Variants in NR3C2 observed in about 807,000 individuals in gnomAD.
NR3C2 encodes mineralocorticoid receptor.
Under a neutral mutation model 86.4 loss-of-function variants are expected in NR3C2, and 15 were observed. The ratio of observed to expected loss-of-function variants is 0.17; its 90% CI spans 0.12 to 0.27. The LOEUF (loss-of-function observed/expected upper bound fraction) is 0.27, where lower values mean the gene tolerates loss of function less well. NR3C2 is among the 10% of genes least tolerant of loss of function. NR3C2 has a pLI of 1.00. For synonymous variants in NR3C2, 458 were observed against 450.5 expected (o/e 1.02, Z -0.21); for missense variants, 960 against 1,195.6 (o/e 0.80, Z 2.91).
intron 4 of NR3C2, among the ~76,000 whole-genome samples, chr4:148,188,732 C>G (rs991275197): frequency 6.6e-6 from 1 of 152,008 alleles, no homozygotes; most frequent in Non-Finnish European, 1.5e-5. Flanking sequence ...ATTTCTTTCT[C>G]TTGTCTGATC....
intron 3 of NR3C2, among the ~76,000 whole-genome samples, chr4:148,204,253 T>TAACAAGG (rs959566635): frequency 1.3e-5 from 2 of 152,202 alleles, no homozygotes; most frequent in African/African-American, 2.4e-5. Flanking sequence ...AGTAAGTTAC[T>TAACAAGG]AACAAGGAAC....
At chr4:148,225,487 A>AT (rs1738101258) in intron 3 of NR3C2, among the ~76,000 whole-genome samples, 3 of 152,192 alleles carry the variant, frequency 2.0e-5, no homozygotes, top group Admixed American at 2.0e-4. Context: ...AAGTTTATAC[A>AT]TAACAATGTT....
intron 8 of NR3C2, among the ~76,000 whole-genome samples, chr4:148,086,622 A>G (rs1256825425): frequency 6.6e-6 from 1 of 152,170 alleles, no homozygotes; most frequent in Non-Finnish European, 1.5e-5. Flanking sequence ...TACACCTGCA[A>G]TCCCAGCTAC....
intron 2 of NR3C2, among the ~76,000 whole-genome samples, chr4:148,299,443 G>T (rs1387941372): frequency 6.6e-6 from 1 of 152,044 alleles, no homozygotes; most frequent in Non-Finnish European, 1.5e-5. Flanking sequence ...TCTCTTTTCG[G>T]GACTGTAATG....
intron 2 of NR3C2, among the ~76,000 whole-genome samples, chr4:148,418,458 T>C (rs1314401265): frequency 6.6e-6 from 1 of 152,204 alleles, no homozygotes; most frequent in Admixed American, 6.5e-5. Context: ...ATCTCTATTT[T>C]TGAAGTTCAG....
At chr4:148,273,008 T>C (rs1740767879) in intron 2 of NR3C2, among the ~76,000 whole-genome samples, 1 of 152,220 alleles carries the variant, frequency 6.6e-6, no homozygotes, top group Admixed American at 6.5e-5. Context: ...TTGCTTCAAA[T>C]GTCTTCGTGC....
At chr4:148,182,367 A>T (rs1002589415) in intron 4 of NR3C2, among the ~76,000 whole-genome samples, 2 of 152,236 alleles carry the variant, frequency 1.3e-5, no homozygotes, top group African/African-American at 4.8e-5. Flanking sequence ...ATTACAATGT[A>T]CACAACTGGA....
At chr4:148,133,461 G>C (rs1733128421) in intron 6 of NR3C2, among the ~76,000 whole-genome samples, 1 of 152,136 alleles carries the variant, frequency 6.6e-6, no homozygotes, top group Admixed American at 6.5e-5. Context: ...CTGCAAAAAG[G>C]TAGGATTCCT....
chr4:148,297,531 A>C (rs1742111279), intron 2 of NR3C2, among the ~76,000 whole-genome samples: 1 of 152,202 alleles, frequency 6.6e-6, no homozygotes, highest in Non-Finnish European at 1.5e-5. Context: ...AGGCCAAGAC[A>C]GGTGGATCAC....
intron 7 of NR3C2, 88 bp from the exon 8 acceptor site, chr4:148,114,349 G>T: frequency 1.4e-6 from 2 of 1,388,114 alleles, no homozygotes; most frequent in East Asian, 2.4e-5. Context: ...TGATTTTGAG[G>T]TTAGATACTA....
intron 6 of NR3C2, among the ~76,000 whole-genome samples, chr4:148,148,659 A>G (rs1463614595): frequency 6.6e-6 from 1 of 152,144 alleles, no homozygotes; most frequent in Non-Finnish European, 1.5e-5. Flanking sequence ...TCCTCCTCGT[A>G]TACTTCCTTC....
At chr4:148,287,769 AAGTATATAAT>A (rs1741596664) in intron 2 of NR3C2, among the ~76,000 whole-genome samples, 1 of 152,164 alleles carries the variant, frequency 6.6e-6, no homozygotes, top group South Asian at 2.1e-4. Flanking sequence ...ACTCCTGGAC[AAGTATATAAT>A]AGTTTTTGGT....
chr4:148,230,903 T>C (rs1738426393), intron 3 of NR3C2, among the ~76,000 whole-genome samples: 1 of 152,240 alleles, frequency 6.6e-6, no homozygotes, highest in Non-Finnish European at 1.5e-5. Context: ...AGAAAGATGC[T>C]CAGCAAATTC....
At position 148,136,084 on chromosome 4, in the gene NR3C2, A is replaced by C. The variant is rs1177142475; in HGVS notation, c.2511-15796T>G. 6.1e-5 allele frequency among the ~76,000 whole-genome samples: 8 copies of C among 130,866 alleles called. No individual in the cohort carries two copies. In the East Asian group the frequency reaches 1.1e-3, roughly 17 times the overall value. 85.9% of individuals were successfully genotyped at this position (130,866 alleles called of 152,430 possible). A position where few individuals can be genotyped will look rare whatever the true frequency, so the allele number is the denominator to read the frequency against. On this transcript the variant is annotated intron_variant, in intron 6 of 8. Transcript: ENST00000358102. ...AAAAAAAAAAAAAAAAAACAAAAAA[A>C]AAAAACACCACCAAAACCAACAAAA...
chr4:148,268,602 T>C (rs533079216), intron 2 of NR3C2, among the ~76,000 whole-genome samples: 15 of 152,336 alleles, frequency 9.8e-5, no homozygotes, highest in African/African-American at 2.9e-4. Flanking sequence ...AATTTACTTT[T>C]TTGTTTGGGG....
intron 2 of NR3C2, among the ~76,000 whole-genome samples, chr4:148,351,712 T>C (rs535619617): frequency 1.3e-5 from 2 of 152,322 alleles, no homozygotes; most frequent in East Asian, 3.9e-4. Flanking sequence ...AATCAGCAAA[T>C]GCTTTTTGAG....
chr4:148,130,827 T>G lies in NR3C2; in HGVS notation c.2511-10539A>C, dbSNP rs868549866. On this transcript the variant is annotated intron_variant, in intron 6 of 8. Transcript: ENST00000358102. ...TTGTTTTGTTTTGTTTTGTTTTTTT[T>G]TTTTTTTTTTTTTTGAGACAGAGTC... Among the ~76,000 whole-genome samples the G allele has an allele frequency of 7.9e-3, 1,038 of 130,900 alleles. 10 individuals are homozygous for G. The highest frequency in any genetic ancestry group is 0.023 in the African/African-American group (804 of 35,270). 85.9% of individuals were successfully genotyped at this position (130,900 alleles called of 152,430 possible). A position where few individuals can be genotyped will look rare whatever the true frequency, so the allele number is the denominator to read the frequency against.
chr4:148,381,335 A>T (rs1222161448), intron 2 of NR3C2, among the ~76,000 whole-genome samples: 1 of 152,196 alleles, frequency 6.6e-6, no homozygotes, highest in East Asian at 1.9e-4. Context: ...GAGCTAGCCC[A>T]GTTGTTCAAA....
At chr4:148,196,121 A>C (rs948571850) in intron 3 of NR3C2, among the ~76,000 whole-genome samples, 1 of 152,224 alleles carries the variant, frequency 6.6e-6, no homozygotes, top group Non-Finnish European at 1.5e-5. Flanking sequence ...TAGCAGTGGC[A>C]GTGGTGAGAT....
Sources: gnomAD v4.1 joint callset for allele counts (sites outside exome capture counted in the v4.1 genomes callset) on GRCh38, gnomAD v4.1.1 for gene constraint, MANE v1.5 for transcripts, NCBI Gene and HGNC (gene_info 2026-07-23, HGNC 2026-07-21) for gene names.